FAM135A: variants seen among roughly 807,000 people sequenced by gnomAD.
FAM135A encodes protein FAM135A.
FAM135A carries 79 observed loss-of-function variants against 146.8 expected under a neutral mutation model. The ratio of observed to expected loss-of-function variants is 0.54; its 90% CI spans 0.45 to 0.65. FAM135A has a LOEUF of 0.65. Among genes scored for constraint, FAM135A ranks in the 30% least tolerant of loss-of-function variants. The pLI is 0.00. For synonymous variants in FAM135A, 562 were observed against 603.6 expected (o/e 0.93, Z 1.01); for missense variants, 1,623 against 1,758.2 (o/e 0.92, Z 1.38).
intron 10 of FAM135A, among the ~76,000 whole-genome samples, chr6:70,490,404 C>G (rs1019347786): frequency 6.6e-6 from 1 of 151,974 alleles, no homozygotes; most frequent in East Asian, 1.9e-4. Context: ...TAAATATTAT[C>G]ATTTTAATTG....
At chr6:70,430,351 AAAAG>A (rs199586159) in intron 4 of FAM135A, among the ~76,000 whole-genome samples, 3,189 of 152,124 alleles carry the variant, frequency 0.021, 282 homozygotes, top group Admixed American at 0.16. Context: ...AAAAAACAAA[AAAAG>A]AAAGAGAGCA....
Position 70,483,219 on chromosome 6 carries a change from TTTAA to T in FAM135A, c.823+1078_823+1081del, listed in dbSNP as rs749948290. ...CACTATCAGCAACTACTCAAGTGCA[TTTAA>T]TTAATTAATTAAGTCCACTATTCAG... On this transcript the variant is annotated intron_variant, in intron 10 of 21. Transcript: ENST00000418814. Among the ~76,000 whole-genome samples the T allele has an allele frequency of 1.6e-4, 25 of 152,330 alleles. No homozygotes were observed. In the South Asian group the frequency reaches 1.7e-3, roughly 10 times the overall value.
chr6:70,476,503 CT>C (rs978065961), intron 7 of FAM135A, among the ~76,000 whole-genome samples: 3 of 147,858 alleles, frequency 2.0e-5, no homozygotes, highest in Admixed American at 6.8e-5. Context: ...TTTGTAAAGT[CT>C]TTTTTTTTTC....
Position 70,533,747 on chromosome 6 carries a change from T to C in FAM135A, c.3868-10T>C. 6.6e-7 allele frequency: 1 copy of C among 1,525,898 alleles called. No individual in the cohort carries two copies. The highest frequency in any genetic ancestry group is 8.9e-7 in the Non-Finnish European group (1 of 1,121,546). The allele number at this position is 1,525,898 out of a possible 1,614,324, so 94.5% of individuals were successfully genotyped here. A position where few individuals can be genotyped will look rare whatever the true frequency, so the allele number is the denominator to read the frequency against. ...CCAAATATAATGTATGTGCTTTGCTTTCTTTTTAGAATGATACTTTTGCTG... is the reference window on the plus strand; with the variant it reads ...CCAAATATAATGTATGTGCTTTGCTCTCTTTTTAGAATGATACTTTTGCTG... On this transcript the variant is annotated splice_polypyrimidine_tract_variant and intron_variant, in intron 17 of 21. Coordinates refer to ENST00000418814, the MANE Select transcript of FAM135A (RefSeq NM_001162529.3).
chr6:70,537,004 C>T (rs965579821), intron 19 of FAM135A, among the ~76,000 whole-genome samples: 10 of 149,246 alleles, frequency 6.7e-5, no homozygotes, highest in African/African-American at 2.5e-4. Flanking sequence ...GGCGCGATCT[C>T]GGCTCACTGC....
Position 70,524,493 on chromosome 6 carries a change from CAGA to C in FAM135A, c.1412_1414del (p.Glu471del). 1 of 1,551,086 alleles carries C rather than the reference CAGA, an allele frequency of 6.4e-7. No individual in the cohort carries two copies. The highest frequency in any genetic ancestry group is 1.2e-5 in the South Asian group (1 of 83,972). On this transcript the variant is annotated inframe_deletion, in exon 15 of 22. Coordinates refer to ENST00000418814, the MANE Select transcript of FAM135A (RefSeq NM_001162529.3). The stretch of plus-strand genomic sequence containing the variant: ...GCTGGTGCCTCCAGTATTTGGTATA[CAGA>C]AGGTGAAAAGCAGCTAACAAAATCT...
intron 3 of FAM135A, among the ~76,000 whole-genome samples, chr6:70,427,809 T>C (rs1027447116): frequency 2.6e-5 from 4 of 152,190 alleles, no homozygotes; most frequent in African/African-American, 9.6e-5. Context: ...AAAATCTCTT[T>C]CTCTTTAAAT....
chr6:70,450,615 A>G (rs770966554), intron 4 of FAM135A, among the ~76,000 whole-genome samples: 52 of 142,948 alleles, frequency 3.6e-4, no homozygotes, highest in Admixed American at 5.8e-4. Flanking sequence ...GTCCTGTTGC[A>G]TTGGTTGCTG....
In FAM135A at chr6:70,533,846, A is replaced by C. The variant is rs200277043; in HGVS notation, c.3957A>C (p.Ser1319=). ...QYIQIYSLTV[S]KISFIGHSLG... The stretch of plus-strand genomic sequence containing the variant: ...TTCAGATATATAGTCTAACAGTCTC[A>C]AAAATAAGGTATCTTCTTTAATATT... Residue 1319 remains serine, a synonymous_variant, in exon 18 of 22, where the codon TCA becomes TCC. Coordinates refer to ENST00000418814, the MANE Select transcript of FAM135A (RefSeq NM_001162529.3). The C allele has an allele frequency of 6.8e-7, 1 of 1,459,862 alleles. No homozygotes were observed. The highest frequency in any genetic ancestry group is 2.4e-5 in the East Asian group (1 of 40,840). The allele number at this position is 1,459,862 out of a possible 1,614,324, so 90.4% of individuals were successfully genotyped here. A position where few individuals can be genotyped will look rare whatever the true frequency, so the allele number is the denominator to read the frequency against.
At chr6:70,498,068 C>T (rs1468656754) in intron 11 of FAM135A, among the ~76,000 whole-genome samples, 1 of 152,194 alleles carries the variant, frequency 6.6e-6, no homozygotes, top group Non-Finnish European at 1.5e-5. Context: ...CCTCTTTGTA[C>T]CTCTAGTAGA....
chr6:70,506,487 T>C (rs1222723155), intron 12 of FAM135A, among the ~76,000 whole-genome samples: 1 of 152,154 alleles, frequency 6.6e-6, no homozygotes, highest in Non-Finnish European at 1.5e-5. Flanking sequence ...TAAGTGAATG[T>C]GGCTGTGTTT....
intron 11 of FAM135A, 72 bp downstream of exon 11, chr6:70,491,155 T>C (rs1371151870): frequency 1.8e-5 from 23 of 1,283,096 alleles, no homozygotes; most frequent in Middle Eastern, 3.8e-4. Context: ...AAATATTTTG[T>C]CTATGAAAAC....
At position 70,502,640 on chromosome 6, in the gene FAM135A, T is replaced by C. The variant is rs1488218539; in HGVS notation, c.878T>C (p.Ile293Thr). 6.2e-6 allele frequency: 10 copies of C among 1,602,826 alleles called. No homozygotes were observed. Among genetic ancestry groups the C allele is most frequent in the African/African-American group, 1.3e-5 (1 of 74,268 alleles). Residue 293 changes from isoleucine (I) to threonine (T), a missense_variant, in exon 12 of 22, where the codon ATA (isoleucine) becomes ACA (threonine). By Grantham distance (89) the Ile-to-Thr change is moderately conservative. Around this residue, in one of 7 missense-constraint regions of FAM135A, gnomAD observed 206 missense variants for 194.7 expected, o/e 1.06. Transcript: ENST00000418814. Reference sequence around the variant, plus strand: ...TTTTTTTTCTTTTCATTTCAGAAAATAGAGAATCCTGATGAACTGGCAGAA... The same window carrying C: ...TTTTTTTTCTTTTCATTTCAGAAAACAGAGAATCCTGATGAACTGGCAGAA... ...LTELCEEVKKIENPDELAELI... is the reference protein window; with the variant it reads ...LTELCEEVKKTENPDELAELI...
At chr6:70,522,061 C>T (rs1374200590) in intron 12 of FAM135A, among the ~76,000 whole-genome samples, 1 of 152,232 alleles carries the variant, frequency 6.6e-6, no homozygotes, top group East Asian at 1.9e-4. Context: ...GGATTACAAG[C>T]ACCTGCCACC....
rs557202573 is a variant in FAM135A, at chr6:70,495,815, G to A, written c.873+4732G>A. ...CCCTCACCCCCTGACAGGCCCTGGTGTGTGATGTTCCCCGTCCTGTGTCCA... is the reference window on the plus strand; with the variant it reads ...CCCTCACCCCCTGACAGGCCCTGGTATGTGATGTTCCCCGTCCTGTGTCCA... On this transcript the variant is annotated intron_variant, in intron 11 of 21. Coordinates refer to ENST00000418814, the MANE Select transcript of FAM135A (RefSeq NM_001162529.3). 3.9e-5 allele frequency among the ~76,000 whole-genome samples: 6 copies of A among 152,170 alleles called. No individual in the cohort carries two copies. The East Asian group carries it at 1.2e-3, about 29-fold the overall frequency.
intron 5 of FAM135A, 109 bp downstream of exon 5, chr6:70,452,680 T>C (rs1021967533): frequency 1.5e-6 from 1 of 656,530 alleles, no homozygotes. Context: ...ATAACATCAT[T>C]ATGATAACCA....
At chr6:70,463,173 TCTC>T (rs1460626561) in intron 5 of FAM135A, among the ~76,000 whole-genome samples, 1 of 152,168 alleles carries the variant, frequency 6.6e-6, no homozygotes, top group East Asian at 1.9e-4. Flanking sequence ...TCTCCTCTCT[TCTC>T]CTTATTACCT....
At chr6:70,425,842 G>C (rs1222891451) in intron 2 of FAM135A, among the ~76,000 whole-genome samples, 1 of 152,160 alleles carries the variant, frequency 6.6e-6, no homozygotes, top group African/African-American at 2.4e-5. Flanking sequence ...GGTGGCTCAC[G>C]CCTGTAATCC....
intron 10 of FAM135A, among the ~76,000 whole-genome samples, chr6:70,489,785 A>G (rs1044999861): frequency 2.6e-5 from 4 of 152,166 alleles, no homozygotes; most frequent in African/African-American, 4.8e-5. Flanking sequence ...TCTCGTTAGC[A>G]TTTAAAATCT....
Sources: allele counts gnomAD v4.1 joint callset (sites outside exome capture counted in the v4.1 genomes callset), GRCh38; gene constraint gnomAD v4.1.1; regional missense constraint gnomAD v4.1.1; transcripts MANE v1.5; gene names NCBI Gene and HGNC (gene_info 2026-07-23, HGNC 2026-07-21).